Variants in NARS2 observed in about 807,000 individuals in gnomAD.
NARS2 encodes the protein asparaginyl-tRNA synthetase 2, mitochondrial, also known as asparaginyl-tRNA synthetase.
In NARS2, 60 loss-of-function variants were observed where a neutral mutation model predicts 62.9. The ratio of observed to expected loss-of-function variants is 0.95; its 90% CI spans 0.77 to 1.18. The LOEUF is 1.18. Ranked by LOEUF, NARS2 falls within the 50% of genes most tolerant of loss-of-function variation. NARS2 has a pLI of 0.00. For missense variants in NARS2, 619 were observed against 576.4 expected (o/e 1.07, Z -0.76); for synonymous variants, 196 against 200.0 (o/e 0.98, Z 0.17).
chr11:78,553,954 A>C (rs1387719942), intron 5 of NARS2, among the ~76,000 whole-genome samples: 1 of 152,232 alleles, frequency 6.6e-6, no homozygotes, highest in Non-Finnish European at 1.5e-5. Context: ...AATCGTCTGC[A>C]TACGGCTAGC....
At chr11:78,548,937 C>G (rs1297022153) in intron 5 of NARS2, among the ~76,000 whole-genome samples, 2 of 152,206 alleles carry the variant, frequency 1.3e-5, no homozygotes, top group African/African-American at 4.8e-5. Context: ...AAACAGAGCC[C>G]TCTTCCTCCT....
chr11:78,512,245 G>A (rs568752492), intron 6 of NARS2, among the ~76,000 whole-genome samples: 7 of 152,292 alleles, frequency 4.6e-5, no homozygotes, highest in African/African-American at 1.7e-4. Context: ...TGTCTTGTGA[G>A]AGTCCTGAAA....
intron 4 of NARS2, among the ~76,000 whole-genome samples, chr11:78,563,438 G>C (rs893340109): frequency 6.6e-6 from 1 of 151,688 alleles, no homozygotes; most frequent in African/African-American, 2.4e-5. Context: ...GGATGGTCTC[G>C]ATCTCTTGAC....
chr11:78,572,338 G>C (rs2135549592), intron 1 of NARS2, among the ~76,000 whole-genome samples: 1 of 152,224 alleles, frequency 6.6e-6, no homozygotes, highest in South Asian at 2.1e-4. Flanking sequence ...TTAACGAAGT[G>C]GTTATCATTT....
At chr11:78,467,230 T>G (rs1858658469) in intron 10 of NARS2, among the ~76,000 whole-genome samples, 1 of 152,224 alleles carries the variant, frequency 6.6e-6, no homozygotes, top group African/African-American at 2.4e-5. Context: ...GTGGTCTCTC[T>G]GGACCTATAT....
At chr11:78,541,218 G>A (rs1855604471) in intron 5 of NARS2, among the ~76,000 whole-genome samples, 1 of 152,078 alleles carries the variant, frequency 6.6e-6, no homozygotes, top group Non-Finnish European at 1.5e-5. Context: ...GCTTAAAAAT[G>A]TTAAATGTCA....
intron 6 of NARS2, among the ~76,000 whole-genome samples, chr11:78,513,999 T>C (rs1054650205): frequency 5.9e-5 from 9 of 152,158 alleles, no homozygotes; most frequent in African/African-American, 1.9e-4. Flanking sequence ...CATACTCCTT[T>C]GCCTTCTTCC....
In NARS2 at chr11:78,465,945, G is replaced by T; in HGVS notation, c.1095C>A (p.Phe365Leu). The stretch of plus-strand genomic sequence containing the variant: ...TGAGTGTTAATGGATAATTAATAAC[G>T]AAGACAGGTATGTTGCCACAGTGCT... Reference protein sequence around the residue: ...LVKHCGNIPVFVINYPLTLKP... With the variant: ...LVKHCGNIPVLVINYPLTLKP... The change falls in exon 11 of 14, where the codon TTC becomes TTA. Residue 365 changes from phenylalanine to leucine, a missense_variant. Transcript: ENST00000281038. The T allele has an allele frequency of 6.2e-7, 1 of 1,613,910 alleles. No homozygotes were observed. Among genetic ancestry groups the T allele is most frequent in the Non-Finnish European group, 8.5e-7 (1 of 1,179,894 alleles).
chr11:78,474,295 G>GTCGTAAT (rs1331989395), intron 9 of NARS2, among the ~76,000 whole-genome samples: 1 of 152,004 alleles, frequency 6.6e-6, no homozygotes, highest in Non-Finnish European at 1.5e-5. Context: ...CAAGTTCATA[G>GTCGTAAT]TCGTAATTAC....
At chr11:78,465,285 C>G (rs1443553000) in intron 11 of NARS2, among the ~76,000 whole-genome samples, 1 of 152,278 alleles carries the variant, frequency 6.6e-6, no homozygotes, top group Non-Finnish European at 1.5e-5. Flanking sequence ...CATGCCTCTC[C>G]CTCCACACCA....
At chr11:78,547,934 A>G (rs746759924) in intron 5 of NARS2, among the ~76,000 whole-genome samples, 1 of 146,832 alleles carries the variant, frequency 6.8e-6, no homozygotes, top group Admixed American at 6.8e-5. Flanking sequence ...AACAGGCTAT[A>G]GTAGGCCAGG....
chr11:78,508,738 G>A (rs890518583), intron 6 of NARS2, among the ~76,000 whole-genome samples: 2 of 152,022 alleles, frequency 1.3e-5, no homozygotes, highest in African/African-American at 2.4e-5. Flanking sequence ...TTCATGCCAA[G>A]AAACATTATA....
At chr11:78,438,070 G>A (rs909482291) in intron 13 of NARS2, among the ~76,000 whole-genome samples, 3 of 150,978 alleles carry the variant, frequency 2.0e-5, no homozygotes, top group Admixed American at 6.6e-5. Context: ...ATAATAAGAC[G>A]TAAGCAACAT....
intron 9 of NARS2, among the ~76,000 whole-genome samples, chr11:78,470,279 T>G (rs1858812209): frequency 6.6e-6 from 1 of 152,210 alleles, no homozygotes; most frequent in Non-Finnish European, 1.5e-5. Flanking sequence ...TGTTTTAATT[T>G]AACTATGTGA....
intron 5 of NARS2, among the ~76,000 whole-genome samples, chr11:78,547,551 G>T (rs1048412693): frequency 6.6e-6 from 1 of 152,054 alleles, no homozygotes; most frequent in Non-Finnish European, 1.5e-5. Flanking sequence ...AACAAAGCAG[G>T]TATAAGCCAG....
chr11:78,559,677 C>T (rs1207127666), intron 4 of NARS2, 58 bp from the exon 5 acceptor site: 3 of 1,144,370 alleles, frequency 2.6e-6, no homozygotes, highest in Admixed American at 3.4e-5. Flanking sequence ...TCCAAGAACA[C>T]ACATCCTCTT....
intron 6 of NARS2, among the ~76,000 whole-genome samples, chr11:78,508,387 G>C (rs768981015): frequency 6.6e-6 from 1 of 152,080 alleles, no homozygotes; most frequent in African/African-American, 2.4e-5. Context: ...TGAGGGGTTC[G>C]AGAACAGCCT....
At chr11:78,484,298 C>T (rs190064377) in intron 7 of NARS2, among the ~76,000 whole-genome samples, 26 of 152,190 alleles carry the variant, frequency 1.7e-4, no homozygotes, top group African/African-American at 2.9e-4. Context: ...TAGAAAAAAA[C>T]GTAGGCAATA....
At chr11:78,508,367 C>T (rs1388194784) in intron 6 of NARS2, among the ~76,000 whole-genome samples, 3 of 152,036 alleles carry the variant, frequency 2.0e-5, no homozygotes, top group Non-Finnish European at 4.4e-5. Context: ...GGCGGGCAGA[C>T]CACCTGAGGT....
Sources: allele counts gnomAD v4.1 joint callset (sites outside exome capture counted in the v4.1 genomes callset), GRCh38; gene constraint gnomAD v4.1.1; transcripts MANE v1.5; gene names NCBI Gene and HGNC (gene_info 2026-07-23, HGNC 2026-07-21).